SLC39A10: variants seen among roughly 807,000 people sequenced by gnomAD.
SLC39A10 encodes the protein zinc transporter ZIP10.
A neutral mutation model predicts 65.1 loss-of-function variants in SLC39A10; 13 were observed. That is an observed-to-expected ratio of 0.20 (90% CI 0.13 to 0.32). The LOEUF is 0.32. SLC39A10 is among the 10% of genes least tolerant of loss of function. The pLI, the probability that SLC39A10 is intolerant of heterozygous loss-of-function variation, is 1.00. For missense variants in SLC39A10, 831 were observed against 1,018.4 expected, an observed-to-expected ratio of 0.82 and a Z score of 2.50; for synonymous variants, 321 against 342.2, an observed-to-expected ratio of 0.94 and a Z score of 0.68.
chr2:195,672,459 C>T (rs999792080), intron 1 of SLC39A10, among the ~76,000 whole-genome samples: 2 of 152,060 alleles, frequency 1.3e-5, no homozygotes, highest in Admixed American at 1.3e-4. Flanking sequence ...CATACATCTG[C>T]TATAGTAGTT....
chr2:195,663,370 CTG>C (rs1689482050), intron 1 of SLC39A10, among the ~76,000 whole-genome samples: 1 of 152,096 alleles, frequency 6.6e-6, no homozygotes, highest in African/African-American at 2.4e-5. Context: ...ATACTTTGCA[CTG>C]TGTTATAGAG....
chr2:195,652,153 T>C (rs969084506), upstream of SLC39A10, among the ~76,000 whole-genome samples: 1 of 152,150 alleles, frequency 6.6e-6, no homozygotes, highest in African/African-American at 2.4e-5. Flanking sequence ...TGATTGGCAG[T>C]TGGTTGAAAT....
chr2:195,623,037 G>C (rs1688384049), intron 2 of SLC39A10, among the ~76,000 whole-genome samples: 1 of 148,394 alleles, frequency 6.7e-6, no homozygotes, highest in Non-Finnish European at 1.5e-5. Flanking sequence ...TTGAAGAATA[G>C]ACAGAAAGGA....
intron 8 of SLC39A10, 70 bp downstream of exon 8, chr2:195,718,402 A>G: frequency 8.6e-7 from 1 of 1,166,622 alleles, no homozygotes; most frequent in Non-Finnish European, 1.3e-6. Flanking sequence ...ATTGCATTCA[A>G]ATTTCAGAGA....
intron 1 of SLC39A10, among the ~76,000 whole-genome samples, chr2:195,662,031 T>C (rs1574235794): frequency 6.6e-6 from 1 of 152,192 alleles, no homozygotes; most frequent in African/African-American, 2.4e-5. Flanking sequence ...TTTTAGGGAT[T>C]AGAAAAGCAA....
chr2:195,658,457 T>A (rs755689784), intron 1 of SLC39A10: 1 of 152,232 alleles, frequency 6.6e-6, no homozygotes, highest in Non-Finnish European at 1.5e-5. Context: ...AAACTTTTAT[T>A]TATGCCTTTT....
rs555050093 is a variant in SLC39A10, at chr2:195,723,732, A to G, written c.2147-4427A>G. ...GAGTAATGTGTTTCAACTTCAAGGA[A>G]ATAACATTTTGATTAAAAAAAAAAA... On this transcript the variant is annotated intron_variant, in intron 8 of 9. Coordinates refer to ENST00000359634, the MANE Select transcript of SLC39A10 (RefSeq NM_020342.3). Among the ~76,000 whole-genome samples, 14 of 133,888 alleles carry G rather than the reference A, an allele frequency of 1.0e-4. No homozygotes were observed. In the South Asian group the frequency reaches 3.1e-3, roughly 30 times the overall value. 87.8% of individuals were successfully genotyped at this position (133,888 alleles called of 152,430 possible).
chr2:195,632,290 C>CTTTTTTTTTTTTTTTTTT (rs202193660), intron 2 of SLC39A10, among the ~76,000 whole-genome samples: 1 of 69,224 alleles, frequency 1.4e-5, no homozygotes, highest in African/African-American at 6.3e-5. Context: ...ATTCTACTTC[C>CTTTTTTTTTTTTTTTTTT]TTTTTTTTTT....
rs1688480339 is a variant in SLC39A10, at chr2:195,626,618, T to C, written c.-12+20385T>C. On this transcript the variant is annotated intron_variant, in intron 2 of 2. Coordinates refer to the SLC39A10 transcript ENST00000458054. ...ATCTTAAAAAAAAACAAGACTTACATAATTATGTAGAAATGAAAGTAGAAG... is the reference window on the plus strand; with the variant it reads ...ATCTTAAAAAAAAACAAGACTTACACAATTATGTAGAAATGAAAGTAGAAG... Among the ~76,000 whole-genome samples the C allele has an allele frequency of 2.0e-5, 3 of 152,254 alleles. No individual in the cohort carries two copies. The East Asian group carries it at 5.8e-4, about 29-fold the overall frequency.
chr2:195,650,072 A>G lies in SLC39A10; in HGVS notation c.-11-29960A>G, dbSNP rs1435186915. Among the ~76,000 whole-genome samples the G allele has an allele frequency of 2.0e-5, 3 of 152,298 alleles. No individual in the cohort carries two copies. In the East Asian group the frequency reaches 5.8e-4, roughly 29 times the overall value. On this transcript the variant is annotated intron_variant, in intron 2 of 2. Transcript: ENST00000458054. ...CCAAGTTCTTCCGGTTTCAAGGCCC[A>G]GGGATGAAATGCTAACTGTGTAATT...
At chr2:195,621,238 A>C (rs1177521434) in intron 2 of SLC39A10, among the ~76,000 whole-genome samples, 1 of 152,188 alleles carries the variant, frequency 6.6e-6, no homozygotes, top group East Asian at 1.9e-4. Flanking sequence ...GACAGGCAAA[A>C]TTTGAATATA....
In SLC39A10 at chr2:195,680,116, G is replaced by A; in HGVS notation, c.74G>A (p.Cys25Tyr). Residue 25 changes from cysteine to tyrosine, a missense_variant, in exon 2 of 10, where the codon TGC (cysteine) becomes TAC (tyrosine). Physicochemically the swap from Cys to Tyr is radical, Grantham distance 194. Coordinates refer to ENST00000359634, the MANE Select transcript of SLC39A10 (RefSeq NM_020342.3). ...LTFIFHHCNH[C>Y]HEEHDHGPEA... is the part of the protein sequence containing the mutation. ...TTTATTTTTCATCATTGCAACCATT[G>A]CCATGAAGAACATGACCATGGCCCT... The A allele has an allele frequency of 1.9e-6, 3 of 1,613,042 alleles. No homozygotes were observed. The highest frequency in any genetic ancestry group is 2.5e-6 in the Non-Finnish European group (3 of 1,179,820).
intron 1 of SLC39A10, among the ~76,000 whole-genome samples, chr2:195,678,688 G>A (rs551634315): frequency 3.7e-4 from 56 of 151,354 alleles, no homozygotes; most frequent in African/African-American, 1.3e-3. Context: ...CAAGATCTGC[G>A]CTTTCCAGTA....
intron 2 of SLC39A10, among the ~76,000 whole-genome samples, chr2:195,641,013 C>T (rs982925335): frequency 3.3e-5 from 5 of 152,200 alleles, no homozygotes; most frequent in African/African-American, 1.2e-4. Flanking sequence ...TTGCACCAAG[C>T]AATGTGCCAG....
chr2:195,621,775 TTC>T (rs926476595), intron 2 of SLC39A10, among the ~76,000 whole-genome samples: 3 of 152,242 alleles, frequency 2.0e-5, no homozygotes, highest in Non-Finnish European at 4.4e-5. Flanking sequence ...CTGAAATTAA[TTC>T]TTTGTGTTTT....
At chr2:195,635,837 T>C (rs556594025) in intron 2 of SLC39A10, among the ~76,000 whole-genome samples, 209 of 152,104 alleles carry the variant, frequency 1.4e-3, no homozygotes, top group African/African-American at 4.5e-3. Flanking sequence ...AGGCAGATAA[T>C]GAAAGGATTT....
At chr2:195,614,610 C>A (rs921343008) in intron 2 of SLC39A10, among the ~76,000 whole-genome samples, 16 of 152,080 alleles carry the variant, frequency 1.1e-4, no homozygotes, top group Non-Finnish European at 1.3e-4. Flanking sequence ...TATCAAAAAA[C>A]CCCCTTAAAA....
intron 3 of SLC39A10, 31 bp from the exon 4 acceptor site, chr2:195,706,585 C>G (rs748071302): frequency 1.3e-6 from 2 of 1,586,882 alleles, no homozygotes; most frequent in Non-Finnish European, 1.7e-6. Context: ...AATTGTTATA[C>G]TAATGTTGAC....
At chr2:195,619,025 G>A (rs899483672) in intron 2 of SLC39A10, among the ~76,000 whole-genome samples, 8 of 150,210 alleles carry the variant, frequency 5.3e-5, no homozygotes, top group African/African-American at 1.2e-4. Context: ...CCCAGGAGGC[G>A]GAGGTTGCAG....
Sources: gnomAD v4.1 joint callset for allele counts (sites outside exome capture counted in the v4.1 genomes callset) on GRCh38, gnomAD v4.1.1 for gene constraint, MANE v1.5 for transcripts, NCBI Gene and HGNC (gene_info 2026-07-23, HGNC 2026-07-21) for gene names.